CACHD1: variants seen among roughly 807,000 people sequenced by gnomAD.
CACHD1 encodes the protein VWFA and cache domain-containing protein 1.
A neutral mutation model predicts 138.7 loss-of-function variants in CACHD1; 71 were observed. The observed-to-expected ratio is 0.51, with a 90% CI of 0.42 to 0.62. CACHD1 has a LOEUF of 0.62. CACHD1 is among the 20% of genes least tolerant of loss of function. The probability of loss-of-function intolerance (pLI) is 0.00; values close to 1 mark genes in which losing one functional copy is unlikely to be tolerated. For synonymous variants in CACHD1, 578 were observed against 591.5 expected, an observed-to-expected ratio of 0.98 and a Z score of 0.33; for missense variants, 1,389 against 1,625.3, an observed-to-expected ratio of 0.85 and a Z score of 2.50.
At chr1:64,522,330 A>T (rs1646504342) in intron 1 of CACHD1, among the ~76,000 whole-genome samples, 1 of 150,342 alleles carries the variant, frequency 6.7e-6, no homozygotes, top group Non-Finnish European at 1.5e-5. Context: ...TTTTTTTGAG[A>T]TGAAGCTCGC....
At chr1:64,530,073 G>C (rs1472740952) in intron 1 of CACHD1, among the ~76,000 whole-genome samples, 1 of 152,182 alleles carries the variant, frequency 6.6e-6, no homozygotes, top group Non-Finnish European at 1.5e-5. Flanking sequence ...CAATAAAAGA[G>C]GAAGGCATCC....
intron 1 of CACHD1, among the ~76,000 whole-genome samples, chr1:64,510,746 G>A (rs1646414462): frequency 6.6e-6 from 1 of 152,106 alleles, no homozygotes; most frequent in Non-Finnish European, 1.5e-5. Flanking sequence ...AGAGAGATTG[G>A]GTCACTGGGA....
At chr1:64,621,498 A>G (rs1233804544) in intron 4 of CACHD1, among the ~76,000 whole-genome samples, 4 of 152,310 alleles carry the variant, frequency 2.6e-5, no homozygotes, top group Non-Finnish European at 5.9e-5. Flanking sequence ...TGTAAGAGAT[A>G]CTAAACACAT....
chr1:64,551,646 T>G (rs1646759829), intron 2 of CACHD1, among the ~76,000 whole-genome samples: 1 of 152,242 alleles, frequency 6.6e-6, no homozygotes, highest in Non-Finnish European at 1.5e-5. Context: ...GCTTGACATT[T>G]GCAAGTGTCC....
At chr1:64,592,276 G>A (rs1207838318) in intron 3 of CACHD1, among the ~76,000 whole-genome samples, 5 of 151,994 alleles carry the variant, frequency 3.3e-5, no homozygotes, top group African/African-American at 7.3e-5. Flanking sequence ...TATCATTTTC[G>A]ACTCAACTTG....
At chr1:64,516,982 T>C (rs1179643276) in intron 1 of CACHD1, among the ~76,000 whole-genome samples, 1 of 152,224 alleles carries the variant, frequency 6.6e-6, no homozygotes. Flanking sequence ...AATGTGATCT[T>C]GTGCAAGTCA....
At chr1:64,580,744 T>A (rs1404072931) in intron 2 of CACHD1, among the ~76,000 whole-genome samples, 1 of 152,164 alleles carries the variant, frequency 6.6e-6, no homozygotes, top group Non-Finnish European at 1.5e-5. Context: ...CTGTGCATTG[T>A]AGGATGTTTA....
chr1:64,647,925 T>C lies in CACHD1; in HGVS notation c.1281T>C (p.Asn427=). The change falls in exon 9 of 27, where the codon AAT becomes AAC. Residue 427 remains asparagine, a synonymous_variant. Coordinates refer to ENST00000651257, the MANE Select transcript of CACHD1 (RefSeq NM_020925.4). Reference sequence around the variant, plus strand: ...TTAAGGGCAGCATGATGGTGCTGAATCAGTTGAGCAACCTGGAGACCACAG... The same window carrying C: ...TTAAGGGCAGCATGATGGTGCTGAACCAGTTGAGCAACCTGGAGACCACAG... ...PVIKGSMMVL[N]QLSNLETTVG... The C allele has an allele frequency of 6.2e-7, 1 of 1,614,054 alleles. No individual in the cohort carries two copies. The highest frequency in any genetic ancestry group is 8.5e-7 in the Non-Finnish European group (1 of 1,179,986).
intron 1 of CACHD1, among the ~76,000 whole-genome samples, chr1:64,495,527 A>T (rs1035774184): frequency 3.3e-5 from 5 of 152,190 alleles, no homozygotes; most frequent in African/African-American, 7.2e-5. Flanking sequence ...ATGACCACAC[A>T]AAAGGGTATG....
At chr1:64,544,998 T>A (rs1025103467) in intron 1 of CACHD1, among the ~76,000 whole-genome samples, 6 of 152,274 alleles carry the variant, frequency 3.9e-5, no homozygotes, top group Non-Finnish European at 8.8e-5. Context: ...ATCTGTGAAT[T>A]GCTAGGTGAC....
intron 11 of CACHD1, among the ~76,000 whole-genome samples, chr1:64,654,361 AT>A: frequency 6.6e-6 from 1 of 152,270 alleles, no homozygotes; most frequent in Non-Finnish European, 1.5e-5. Flanking sequence ...GTGATACATT[AT>A]TTTGGCAGAT....
At chr1:64,521,614 A>G (rs1406553511) in intron 1 of CACHD1, among the ~76,000 whole-genome samples, 1 of 152,192 alleles carries the variant, frequency 6.6e-6, no homozygotes, top group African/African-American at 2.4e-5. Context: ...TCTTCAGCTA[A>G]TGGACATTGG....
At chr1:64,559,460 C>T (rs1191617063) in intron 2 of CACHD1, among the ~76,000 whole-genome samples, 4 of 152,030 alleles carry the variant, frequency 2.6e-5, no homozygotes, top group Non-Finnish European at 4.4e-5. Flanking sequence ...AACTCATGAA[C>T]ACAAAGAAGG....
chr1:64,504,239 A>G (rs922685977), intron 1 of CACHD1, among the ~76,000 whole-genome samples: 2 of 152,164 alleles, frequency 1.3e-5, no homozygotes, highest in African/African-American at 4.8e-5. Flanking sequence ...ATGTTGCCCA[A>G]GATGATCTCA....
intron 2 of CACHD1, among the ~76,000 whole-genome samples, chr1:64,555,212 C>CT (rs1310556970): frequency 1.1e-4 from 17 of 152,066 alleles, no homozygotes; most frequent in African/African-American, 4.1e-4. Flanking sequence ...TGGTCTTGAA[C>CT]TCCTGAGCTC....
At chr1:64,687,558 T>C (rs1650408287) in intron 26 of CACHD1, among the ~76,000 whole-genome samples, 2 of 151,942 alleles carry the variant, frequency 1.3e-5, no homozygotes. Context: ...CCCTCCTGAG[T>C]TGCCTTGGAG....
chr1:64,537,215 GC>G (rs1646639607), intron 1 of CACHD1, among the ~76,000 whole-genome samples: 1 of 152,030 alleles, frequency 6.6e-6, no homozygotes, highest in Non-Finnish European at 1.5e-5. Flanking sequence ...TTAAAGGTTA[GC>G]CGATGATTGC....
At chr1:64,521,362 C>T (rs1435660430) in intron 1 of CACHD1, among the ~76,000 whole-genome samples, 1 of 152,188 alleles carries the variant, frequency 6.6e-6, no homozygotes, top group African/African-American at 2.4e-5. Context: ...CCAAAGAAAA[C>T]TCTGCTTTTA....
intron 1 of CACHD1, among the ~76,000 whole-genome samples, chr1:64,491,363 A>C (rs1646273687): frequency 6.6e-6 from 1 of 152,134 alleles, no homozygotes; most frequent in African/African-American, 2.4e-5. Flanking sequence ...AAACAAGTTT[A>C]ATTGACTCAC....
Sources: gnomAD v4.1 joint callset for allele counts (sites outside exome capture counted in the v4.1 genomes callset) on GRCh38, gnomAD v4.1.1 for gene constraint, MANE v1.5 for transcripts, NCBI Gene and HGNC (gene_info 2026-07-23, HGNC 2026-07-21) for gene names.